CNTN2: variants seen among roughly 807,000 people sequenced by gnomAD.
The protein encoded by CNTN2 is contactin 2, also known as contactin-2.
In CNTN2, 53 loss-of-function variants were observed where a neutral mutation model predicts 117.5. The observed-to-expected ratio is 0.45, with a 90% confidence interval of 0.36 to 0.57. The LOEUF (loss-of-function observed/expected upper bound fraction) is 0.57. Ranked by LOEUF, CNTN2 falls within the 20% of genes least tolerant of loss-of-function variation. The pLI is 0.00. For missense variants in CNTN2, 1,106 were observed against 1,404.3 expected, an observed-to-expected ratio of 0.79 and a Z score of 3.39; for synonymous variants, 530 against 561.7, an observed-to-expected ratio of 0.94 and a Z score of 0.80.
In CNTN2 at chr1:205,066,494, A is replaced by G. The variant is rs1654297161; in HGVS notation, c.1870A>G (p.Ile624Val). 5.6e-6 allele frequency: 9 copies of G among 1,613,944 alleles called. No individual in the cohort carries two copies. Among genetic ancestry groups the G allele is most frequent in the Non-Finnish European group, 7.6e-6 (9 of 1,180,046 alleles). Residue 624 changes from isoleucine (I) to valine (V), a missense_variant, in exon 15 of 23, where the codon ATC becomes GTC. Ile to Val is a conservative substitution (Grantham distance 29). Coordinates refer to ENST00000331830, the MANE Select transcript of CNTN2 (RefSeq NM_005076.5). ...GGTGAGGGACATTGGCGACACCACC[A>G]TCCAGCTCAGCTGGAGCCGTGGCTT... Reference protein sequence around the residue: ...VVVRDIGDTTIQLSWSRGFDN... With the variant: ...VVVRDIGDTTVQLSWSRGFDN...
rs1654906307 is a variant in CNTN2 at position 205,077,233 on chromosome 1, A to G, written c.*3468A>G. The stretch of plus-strand genomic sequence containing the variant: ...GGGCTCATCTAGGAATTCTGGTTAC[A>G]GCCCAGTGCTCATCCCAGCGTATGC... On this transcript the variant is annotated 3_prime_UTR_variant, in exon 23 of 23. Coordinates refer to ENST00000331830, the MANE Select transcript of CNTN2 (RefSeq NM_005076.5). The G allele has an allele frequency of 6.6e-6, 1 of 152,282 alleles. No individual in the cohort carries two copies. Among genetic ancestry groups the G allele is most frequent in the Admixed American group, 6.5e-5 (1 of 15,284 alleles). 9.4% of individuals were successfully genotyped at this position (152,282 alleles called of 1,614,324 possible). A position where few individuals can be genotyped will look rare whatever the true frequency, so the allele number is the denominator to read the frequency against.
intron 1 of CNTN2, among the ~76,000 whole-genome samples, chr1:205,045,801 A>G (rs1305897638): frequency 1.3e-5 from 2 of 152,144 alleles, no homozygotes; most frequent in African/African-American, 4.8e-5. Context: ...AGAGTGAGCC[A>G]TGAGGAGGTG....
At position 205,059,130 on chromosome 1, in the gene CNTN2, G is replaced by A. The variant is rs151020999; in HGVS notation, c.534G>A (p.Pro178=). Residue 178 remains proline (P), a synonymous_variant, in exon 6 of 23, where the codon CCG becomes CCA. Transcript: ENST00000331830. The surrounding 1 kb of genome is among the most constrained non-coding windows in gnomAD (Gnocchi z 5.6). ...WLLNEFPNFI[P]TDGRHFVSQT... Reference sequence around the variant, plus strand: ...TCAACGAGTTCCCCAACTTCATCCCGACGGACGGGCGTCACTTCGTGTCCC... The same window carrying A: ...TCAACGAGTTCCCCAACTTCATCCCAACGGACGGGCGTCACTTCGTGTCCC... 2.3e-5 allele frequency: 37 copies of A among 1,614,050 alleles called. No homozygotes were observed. Among genetic ancestry groups the A allele is most frequent in the African/African-American group, 8.0e-5 (6 of 74,928 alleles).
intron 1 of CNTN2, 124 bp downstream of exon 1, chr1:205,043,518 G>A (rs1416178664): frequency 1.3e-5 from 2 of 152,420 alleles, no homozygotes; most frequent in Non-Finnish European, 2.9e-5. Flanking sequence ...ACAGGGACAG[G>A]AACACTGGCA....
Position 205,073,220 on chromosome 1 carries a change from C to T in CNTN2, c.2997C>T (p.His999=), listed in dbSNP as rs777819612. 2 of 1,613,996 alleles carry T rather than the reference C, an allele frequency of 1.2e-6. No homozygotes were observed. Among genetic ancestry groups the T allele is most frequent in the Non-Finnish European group, 1.7e-6 (2 of 1,179,994 alleles). The change falls in exon 22 of 23, where the codon CAC becomes CAT. Residue 999 remains histidine, a synonymous_variant. Coordinates refer to ENST00000331830, the MANE Select transcript of CNTN2 (RefSeq NM_005076.5). This position sits in a 1 kb window ranked among gnomAD's most constrained non-coding sequence, Gnocchi z 6.3. ...GGGATGGGATCCCTGCAGAAGTCCACATCGTGAGGAATGGAGGTGCTGCTC... is the reference window on the plus strand; with the variant it reads ...GGGATGGGATCCCTGCAGAAGTCCATATCGTGAGGAATGGAGGTGCTGCTC... ...PGGDGIPAEV[H]IVRNGGTSMM...
Position 205,049,280 on chromosome 1 carries a change from C to T in CNTN2, c.-86-3820C>T, listed in dbSNP as rs538732380. Reference sequence around the variant, plus strand: ...AGGCAAGGGGCTGAGTCCTCACACCCGACACACACACACACACACACACAC... The same window carrying T: ...AGGCAAGGGGCTGAGTCCTCACACCTGACACACACACACACACACACACAC... On this transcript the variant is annotated intron_variant, in intron 1 of 22. Coordinates refer to ENST00000331830, the MANE Select transcript of CNTN2 (RefSeq NM_005076.5). Among the ~76,000 whole-genome samples, 7 of 120,800 alleles carry T rather than the reference C, an allele frequency of 5.8e-5. No homozygotes were observed. The East Asian group carries it at 6.8e-4, about 12-fold the overall frequency. 79.2% of individuals were successfully genotyped at this position (120,800 alleles called of 152,430 possible).
Position 205,059,757 on chromosome 1 carries a change from G to C in CNTN2, c.797+75G>C, listed in dbSNP as rs1574644301. ...GGTGACCCCAGGGTGAGGGCAGGCA[G>C]AGTCAGGGCTCTTATCTTGGTGTCC... On this transcript the variant is annotated intron_variant, in intron 7 of 22. Coordinates refer to ENST00000331830, the MANE Select transcript of CNTN2 (RefSeq NM_005076.5). The surrounding 1 kb of genome is among the most constrained non-coding windows in gnomAD (Gnocchi z 5.6). 2.4e-6 allele frequency: 1 copy of C among 424,146 alleles called. No homozygotes were observed. Among genetic ancestry groups the C allele is most frequent in the South Asian group, 1.8e-5 (1 of 54,134 alleles). The allele number at this position is 424,146 out of a possible 1,614,324, so 26.3% of individuals were successfully genotyped here.
Position 205,065,197 on chromosome 1 carries a change from T to G in CNTN2, c.1630T>G (p.Trp544Gly). 2 of 1,614,168 alleles carry G rather than the reference T, an allele frequency of 1.2e-6. No individual in the cohort carries two copies. The highest frequency in any genetic ancestry group is 1.7e-6 in the Non-Finnish European group (2 of 1,180,020). ...HDPTMDLTFT[W>G]TLDDFPIDFD... ...CCCCACCATGGACCTCACCTTCACC[T>G]GGACCCTGGACGACTTCCCCATCGA... The change falls in exon 13 of 23, where the codon TGG becomes GGG. Residue 544 changes from tryptophan to glycine, a missense_variant. Transcript: ENST00000331830. The surrounding 1 kb of genome is among the most constrained non-coding windows in gnomAD (Gnocchi z 4.1).
chr1:205,062,391 G>A, intron 9 of CNTN2, 49 bp from the exon 10 acceptor site: 1 of 1,568,256 alleles, frequency 6.4e-7, no homozygotes, highest in Non-Finnish European at 8.6e-7. Flanking sequence ...CCTCCTCCCT[G>A]TGGCTCCTGT....
In CNTN2 at chr1:205,058,409, G is replaced by T; in HGVS notation, c.391+53G>T. On this transcript the variant is annotated intron_variant, in intron 4 of 22. Transcript: ENST00000331830. The surrounding 1 kb of genome is among the most constrained non-coding windows in gnomAD (Gnocchi z 4.3). ...TTGGGGGAGGGGGAGAGGGGGCTAG[G>T]AGAAATTACTGAGAAAGGATAAGGG... 6.5e-7 allele frequency: 1 copy of T among 1,534,072 alleles called. No individual in the cohort carries two copies. The highest frequency in any genetic ancestry group is 1.4e-5 in the African/African-American group (1 of 73,072).
intron 1 of CNTN2, among the ~76,000 whole-genome samples, chr1:205,043,926 G>C (rs909894895): frequency 6.6e-6 from 1 of 152,184 alleles, no homozygotes; most frequent in African/African-American, 2.4e-5. Flanking sequence ...GGAAGAGAGA[G>C]GGGAGAGTGG....
intron 21 of CNTN2, 172 bp downstream of exon 21, chr1:205,072,767 T>G: frequency 1.5e-6 from 1 of 680,220 alleles, no homozygotes; most frequent in South Asian, 1.7e-5. Flanking sequence ...TAACTTGCAG[T>G]AGAAACTATA....
chr1:205,070,235 C>T (rs975575981), intron 18 of CNTN2, 174 bp downstream of exon 18: 41 of 751,760 alleles, frequency 5.5e-5, no homozygotes, highest in South Asian at 8.9e-5. Flanking sequence ...TGTCTCCCTT[C>T]GGGGTTAGGA....
rs1219691456 is a variant in CNTN2, at chr1:205,075,281, G to C, written c.*1516G>C. ...GGTGATCATGGGGATTGGCATGGCTGGGTTCCCGTCCAAGGTGTGGGCAGA... is the reference window on the plus strand; with the variant it reads ...GGTGATCATGGGGATTGGCATGGCTCGGTTCCCGTCCAAGGTGTGGGCAGA... On this transcript the variant is annotated 3_prime_UTR_variant, in exon 23 of 23. Transcript: ENST00000331830. The C allele has an allele frequency of 5.9e-6, 1 of 168,866 alleles. No individual in the cohort carries two copies. Among genetic ancestry groups the C allele is most frequent in the East Asian group, 1.6e-4 (1 of 6,200 alleles). 10.5% of individuals were successfully genotyped at this position (168,866 alleles called of 1,614,324 possible).
In CNTN2 at chr1:205,074,394, G is replaced by A. The variant is rs1654757625; in HGVS notation, c.*629G>A. 1 of 400,102 alleles carries A rather than the reference G, an allele frequency of 2.5e-6. No homozygotes were observed. Among genetic ancestry groups the A allele is most frequent in the Non-Finnish European group, 4.4e-6 (1 of 226,898 alleles). 24.8% of individuals were successfully genotyped at this position (400,102 alleles called of 1,614,324 possible). ...GGAGCCTGAGCCCCTTCAGCTTTGA[G>A]GGGGGTGATACTCCAGGCTGTTTGG... On this transcript the variant is annotated 3_prime_UTR_variant, in exon 23 of 23. Transcript: ENST00000331830.
At position 205,077,197 on chromosome 1, in the gene CNTN2, A is replaced by T. The variant is rs1654904354; in HGVS notation, c.*3432A>T. 1 of 152,274 alleles carries T rather than the reference A, an allele frequency of 6.6e-6. No individual in the cohort carries two copies. The highest frequency in any genetic ancestry group is 2.4e-5 in the African/African-American group (1 of 41,454). 9.4% of individuals were successfully genotyped at this position (152,274 alleles called of 1,614,324 possible). A position where few individuals can be genotyped will look rare whatever the true frequency, so the allele number is the denominator to read the frequency against. ...TTCTGTGGCCCTGCACCTTATGGGA[A>T]GCCATTAAGGGGGCTCATCTAGGAA... On this transcript the variant is annotated 3_prime_UTR_variant, in exon 23 of 23. Coordinates refer to ENST00000331830, the MANE Select transcript of CNTN2 (RefSeq NM_005076.5).
rs1654951203 is a variant in CNTN2 at position 205,078,262 on chromosome 1, G to A, written c.*4497G>A. On this transcript the variant is annotated 3_prime_UTR_variant, in exon 23 of 23. Transcript: ENST00000331830. ...ATCAGTTGGCTTTACCTAATACAGT[G>A]GCAGTAAACAATGCTTATGTGATGG... 1 of 152,176 alleles carries A rather than the reference G, an allele frequency of 6.6e-6. No individual in the cohort carries two copies. The highest frequency in any genetic ancestry group is 1.5e-5 in the Non-Finnish European group (1 of 68,040). 9.4% of individuals were successfully genotyped at this position (152,176 alleles called of 1,614,324 possible). A position where few individuals can be genotyped will look rare whatever the true frequency, so the allele number is the denominator to read the frequency against.
chr1:205,059,654 G>T lies in CNTN2; in HGVS notation c.769G>T (p.Val257Phe). ...AETYALVGQQ[V>F]TLECFAFGNP... ...GACCTATGCACTGGTGGGGCAGCAGGTCACCCTGGAGTGCTTCGCCTTTGG... is the reference window on the plus strand; with the variant it reads ...GACCTATGCACTGGTGGGGCAGCAGTTCACCCTGGAGTGCTTCGCCTTTGG... Residue 257 changes from valine to phenylalanine, a missense_variant, in exon 7 of 23, where the codon GTC becomes TTC. Coordinates refer to ENST00000331830, the MANE Select transcript of CNTN2 (RefSeq NM_005076.5). The surrounding 1 kb of genome is among the most constrained non-coding windows in gnomAD (Gnocchi z 5.6). 6.2e-7 allele frequency: 1 copy of T among 1,614,072 alleles called. No homozygotes were observed. Among genetic ancestry groups the T allele is most frequent in the Non-Finnish European group, 8.5e-7 (1 of 1,180,008 alleles).
intron 9 of CNTN2, 85 bp from the exon 10 acceptor site, chr1:205,062,355 C>A: frequency 3.3e-6 from 5 of 1,499,460 alleles, no homozygotes; most frequent in Non-Finnish European, 4.5e-6. Context: ...AGCCTAGAGT[C>A]TCCACTGCTC....
Sources: gnomAD v4.1 joint callset for allele counts (sites outside exome capture counted in the v4.1 genomes callset) on GRCh38, gnomAD v4.1.1 for gene constraint, Gnocchi (gnomAD v3.1) non-coding constraint, MANE v1.5 for transcripts, NCBI Gene and HGNC (gene_info 2026-07-23, HGNC 2026-07-21) for gene names.